The following TRAF3 variants were observed in gnomAD, a reference collection of about 807,000 sequenced individuals.
The protein encoded by TRAF3 is TNF receptor-associated factor 3.
A neutral mutation model predicts 62.3 loss-of-function variants in TRAF3; 13 were observed. The observed-to-expected ratio is 0.21, with a 90% CI of 0.14 to 0.33. TRAF3 has a LOEUF of 0.33. TRAF3 is among the 10% of genes least tolerant of loss of function. The probability of loss-of-function intolerance (pLI) is 1.00; values close to 1 mark genes in which losing one functional copy is unlikely to be tolerated. For synonymous variants in TRAF3, 269 were observed against 283.4 expected, an observed-to-expected ratio of 0.95 and a Z score of 0.51; for missense variants, 440 against 741.8, an observed-to-expected ratio of 0.59 and a Z score of 4.73.
At chr14:102,807,953 G>A (rs934694416) in intron 1 of TRAF3, among the ~76,000 whole-genome samples, 1 of 152,204 alleles carries the variant, frequency 6.6e-6, no homozygotes, top group Non-Finnish European at 1.5e-5. Flanking sequence ...AGTACTGGAA[G>A]GAAGTTGAGG....
chr14:102,800,906 C>T (rs374451984), intron 1 of TRAF3, among the ~76,000 whole-genome samples: 17 of 151,970 alleles, frequency 1.1e-4, no homozygotes, highest in South Asian at 4.2e-4. Context: ...TGGCCGGGCG[C>T]GGTGGCTCAC....
intron 2 of TRAF3, among the ~76,000 whole-genome samples, chr14:102,851,992 C>A (rs936539417): frequency 2.7e-5 from 4 of 150,468 alleles, no homozygotes; most frequent in African/African-American, 9.8e-5. Context: ...GAGTTCAAGG[C>A]TGCCGTGAGC....
intron 2 of TRAF3, among the ~76,000 whole-genome samples, chr14:102,842,570 G>A (rs1886440721): frequency 6.6e-6 from 1 of 152,194 alleles, no homozygotes; most frequent in African/African-American, 2.4e-5. Flanking sequence ...AAAATATTTG[G>A]AGAAATAATG....
At chr14:102,878,126 G>A (rs1467488827) in intron 6 of TRAF3, among the ~76,000 whole-genome samples, 3 of 152,096 alleles carry the variant, frequency 2.0e-5, no homozygotes, top group African/African-American at 7.2e-5. Context: ...ATTCAAAAAA[G>A]GTAAAATTTT....
chr14:102,894,382 C>T (rs1001063101), intron 9 of TRAF3, among the ~76,000 whole-genome samples: 1 of 152,166 alleles, frequency 6.6e-6, no homozygotes, highest in African/African-American at 2.4e-5. Flanking sequence ...ACTGCAAAAT[C>T]TGGACTTAAA....
At chr14:102,869,317 C>T (rs1340668772) in intron 2 of TRAF3, among the ~76,000 whole-genome samples, 2 of 152,146 alleles carry the variant, frequency 1.3e-5, no homozygotes, top group East Asian at 3.9e-4. Flanking sequence ...CCCTGGGCTC[C>T]AGAAGCAGGT....
chr14:102,815,080 C>T (rs1285958445), intron 1 of TRAF3, among the ~76,000 whole-genome samples: 4 of 151,972 alleles, frequency 2.6e-5, no homozygotes, highest in Non-Finnish European at 4.4e-5. Flanking sequence ...GGGCTACAGG[C>T]GGTACCATTA....
intron 1 of TRAF3, among the ~76,000 whole-genome samples, chr14:102,781,363 A>G (rs1373236047): frequency 1.3e-5 from 2 of 152,258 alleles, no homozygotes; most frequent in Non-Finnish European, 2.9e-5. Context: ...TGGGTCATGC[A>G]TACTGTACTG....
intron 2 of TRAF3, among the ~76,000 whole-genome samples, chr14:102,852,308 G>T (rs1338576718): frequency 6.6e-6 from 1 of 152,068 alleles, no homozygotes; most frequent in Non-Finnish European, 1.5e-5. Flanking sequence ...TTAGTTTTAG[G>T]AGCTTTCTTT....
At chr14:102,843,791 G>A (rs1886525644) in intron 2 of TRAF3, among the ~76,000 whole-genome samples, 1 of 151,964 alleles carries the variant, frequency 6.6e-6, no homozygotes, top group African/African-American at 2.4e-5. Context: ...CTGGGTGACA[G>A]AGTGAGACCC....
chr14:102,863,842 G>A (rs1305257271), intron 2 of TRAF3, among the ~76,000 whole-genome samples: 1 of 152,150 alleles, frequency 6.6e-6, no homozygotes, highest in Admixed American at 6.5e-5. Context: ...GTAAAGTCAA[G>A]CCCTTTGAGC....
At chr14:102,891,698 C>T (rs1889723927) in intron 9 of TRAF3, among the ~76,000 whole-genome samples, 1 of 152,054 alleles carries the variant, frequency 6.6e-6, no homozygotes, top group African/African-American at 2.4e-5. Flanking sequence ...TGCCCAGTCC[C>T]CACCCTGCTG....
chr14:102,894,569 C>T (rs1889902111), intron 9 of TRAF3, among the ~76,000 whole-genome samples: 1 of 152,110 alleles, frequency 6.6e-6, no homozygotes, highest in Non-Finnish European at 1.5e-5. Context: ...ATGGCATCTC[C>T]CTGCTAGAAG....
rs1442128669 is a variant in TRAF3 at position 102,908,107 on chromosome 14, T to C, written c.*2323T>C. The C allele has an allele frequency of 6.6e-6, 1 of 152,308 alleles. No individual in the cohort carries two copies. The highest frequency in any genetic ancestry group is 1.5e-5 in the Non-Finnish European group (1 of 68,074). The allele number at this position is 152,308 out of a possible 1,614,324, so 9.4% of individuals were successfully genotyped here. On this transcript the variant is annotated 3_prime_UTR_variant, in exon 12 of 12. Coordinates refer to ENST00000392745, the MANE Select transcript of TRAF3 (RefSeq NM_145725.3). ...CAACATCTTGGTCTAGTAAGAACCG[T>C]TTCCTCCCCTCTGGGTTGAAGTCCT...
At chr14:102,805,618 C>T (rs181871245) in intron 1 of TRAF3, among the ~76,000 whole-genome samples, 7 of 152,304 alleles carry the variant, frequency 4.6e-5, no homozygotes, top group Admixed American at 3.9e-4. Context: ...GAGCCCCTGC[C>T]TGCAGCCAGC....
chr14:102,845,980 C>CA (rs35353834), intron 2 of TRAF3, among the ~76,000 whole-genome samples: 2,473 of 56,888 alleles, frequency 0.043, 225 homozygotes, highest in South Asian at 0.12. Flanking sequence ...GACCGTGTCT[C>CA]AAAAAAAAAA....
intron 7 of TRAF3, among the ~76,000 whole-genome samples, chr14:102,888,171 C>T (rs141048756): frequency 6.6e-6 from 1 of 152,348 alleles, no homozygotes; most frequent in African/African-American, 2.4e-5. Context: ...GCAGTAATGA[C>T]ACTGGAAGAA....
intron 2 of TRAF3, among the ~76,000 whole-genome samples, chr14:102,843,385 G>C (rs1886496116): frequency 6.6e-6 from 1 of 151,874 alleles, no homozygotes; most frequent in Non-Finnish European, 1.5e-5. Context: ...TGTCCAGGCT[G>C]GAGTGCAGTG....
chr14:102,780,800 T>A (rs2140047760), intron 1 of TRAF3, among the ~76,000 whole-genome samples: 1 of 152,286 alleles, frequency 6.6e-6, no homozygotes, highest in East Asian at 1.9e-4. Flanking sequence ...ACAGCACCCA[T>A]CTGCTAGGGT....
Sources: gnomAD v4.1 joint callset for allele counts (sites outside exome capture counted in the v4.1 genomes callset) on GRCh38, gnomAD v4.1.1 for gene constraint, MANE v1.5 for transcripts, NCBI Gene and HGNC (gene_info 2026-07-23, HGNC 2026-07-21) for gene names.